The following LARS2 variants were observed in gnomAD, a reference collection of about 807,000 sequenced individuals.
LARS2 encodes leucyl-tRNA synthetase 2, mitochondrial, also known as leucine--tRNA ligase, mitochondrial.
Under a neutral mutation model 116.6 loss-of-function variants are expected in LARS2, and 81 were observed. That is an observed-to-expected ratio of 0.69 (90% CI 0.58 to 0.84). LARS2 has a LOEUF of 0.84. Among genes scored for constraint, LARS2 ranks in the 40% least tolerant of loss-of-function variants. LARS2 has a pLI of 0.00. For synonymous variants in LARS2, 396 were observed against 407.2 expected (o/e 0.97, Z 0.33); for missense variants, 968 against 1,114.5 (o/e 0.87, Z 1.87).
At chr3:45,509,816 T>G (rs1266894291) in intron 15 of LARS2, among the ~76,000 whole-genome samples, 2 of 151,890 alleles carry the variant, frequency 1.3e-5, no homozygotes, top group Non-Finnish European at 2.9e-5. Context: ...ACTGGGAAAT[T>G]CCATGTGAGC....
intron 6 of LARS2, among the ~76,000 whole-genome samples, chr3:45,442,702 G>A (rs1698933462): frequency 6.6e-6 from 1 of 152,206 alleles, no homozygotes; most frequent in Admixed American, 6.5e-5. Flanking sequence ...TGCGCTGCAA[G>A]TCATGCTTAA....
intron 20 of LARS2, among the ~76,000 whole-genome samples, chr3:45,541,088 G>A (rs1700788929): frequency 6.6e-6 from 1 of 152,118 alleles, no homozygotes; most frequent in Non-Finnish European, 1.5e-5. Flanking sequence ...AGCTTTCCCT[G>A]CTAGGACAAG....
chr3:45,442,754 A>T (rs891770569), intron 6 of LARS2, among the ~76,000 whole-genome samples: 28 of 152,206 alleles, frequency 1.8e-4, no homozygotes, highest in Non-Finnish European at 1.5e-5. Flanking sequence ...CAACTCACTT[A>T]ACCGCCTCCA....
chr3:45,479,577 G>A (rs1379769059), intron 10 of LARS2, among the ~76,000 whole-genome samples: 3 of 152,106 alleles, frequency 2.0e-5, no homozygotes, highest in African/African-American at 7.2e-5. Context: ...TCCTTAATTT[G>A]GCACAGATTC....
At chr3:45,398,447 A>C (rs1251815714) in intron 3 of LARS2, among the ~76,000 whole-genome samples, 1 of 152,248 alleles carries the variant, frequency 6.6e-6, no homozygotes, top group Non-Finnish European at 1.5e-5. Context: ...GTTTGTTTGC[A>C]TTACTTCAGG....
intron 18 of LARS2, chr3:45,519,878 C>G (rs1252203365): frequency 5.2e-6 from 1 of 192,474 alleles, no homozygotes; most frequent in African/African-American, 2.4e-5. Context: ...GAACTCTTGA[C>G]CTCAAGTAAT....
chr3:45,527,989 C>T (rs1400920177), intron 20 of LARS2, among the ~76,000 whole-genome samples: 1 of 152,186 alleles, frequency 6.6e-6, no homozygotes, highest in African/African-American at 2.4e-5. Flanking sequence ...ATCCCCTAAC[C>T]ATCACCCTCT....
rs1207019555 is a variant in LARS2, at chr3:45,476,671, T to C, written c.1018+44T>C. On this transcript the variant is annotated intron_variant, in intron 10 of 21. Coordinates refer to ENST00000645846, the MANE Select transcript of LARS2 (RefSeq NM_015340.4). The stretch of plus-strand genomic sequence containing the variant: ...GGCTCAGGTGGTAGGATTGCTACCT[T>C]ACATTTGGATGGCGCCTCCCAGAGT... The C allele has an allele frequency of 5.6e-6, 9 of 1,597,578 alleles. No homozygotes were observed. In the East Asian group the frequency reaches 1.8e-4, roughly 32 times the overall value.
chr3:45,427,618 A>G (rs565647865), intron 6 of LARS2, among the ~76,000 whole-genome samples: 13 of 152,322 alleles, frequency 8.5e-5, no homozygotes, highest in Admixed American at 7.2e-4. Flanking sequence ...CTAGACATAT[A>G]TAGACTAGAG....
intron 4 of LARS2, among the ~76,000 whole-genome samples, chr3:45,406,253 T>C (rs1268827621): frequency 6.6e-6 from 1 of 152,184 alleles, no homozygotes; most frequent in Admixed American, 6.5e-5. Flanking sequence ...TCTCTGTGTG[T>C]CCATGATTCT....
At chr3:45,409,211 T>TA (rs985067051) in intron 4 of LARS2, among the ~76,000 whole-genome samples, 2 of 151,964 alleles carry the variant, frequency 1.3e-5, no homozygotes, top group African/African-American at 4.8e-5. Context: ...TTTTTATTTT[T>TA]TTTTAGGGAA....
At chr3:45,483,609 A>T (rs1234105362) in intron 10 of LARS2, among the ~76,000 whole-genome samples, 1 of 152,164 alleles carries the variant, frequency 6.6e-6, no homozygotes, top group Non-Finnish European at 1.5e-5. Flanking sequence ...AGATCACACC[A>T]CTGTACTCTA....
chr3:45,492,733 A>T (rs1325217592), intron 13 of LARS2, among the ~76,000 whole-genome samples: 1 of 152,216 alleles, frequency 6.6e-6, no homozygotes, highest in African/African-American at 2.4e-5. Context: ...GAATTAACAC[A>T]TGTGATCCTG....
rs772312219 is a variant in LARS2, at chr3:45,547,527, T to C, written c.2709T>C (p.Asp903=). The C allele has an allele frequency of 8.7e-6, 14 of 1,600,262 alleles. No individual in the cohort carries two copies. Among genetic ancestry groups the C allele is most frequent in the Middle Eastern group, 3.4e-4 (2 of 5,960 alleles). ...CCCTCATCAACTTCCTGGTGCAAGA[T>C]TGACAGCCAGGAGGCTGCAGCTACC... The part of the protein sequence containing the change: ...RTALINFLVQ[D] The change falls in exon 22 of 22, where the codon GAT becomes GAC. Residue 903 remains aspartate (D), a synonymous_variant. Transcript: ENST00000645846.
In LARS2 at chr3:45,488,739, C is replaced by T; in HGVS notation, c.1166C>T (p.Thr389Ile). The part of the protein sequence containing the change: ...TSSEDTILAQ[T>I]LGLAYSEVIE... ...TCAGAGGACACCATCTTAGCCCAAACCCTGGGCCTGGCCTACTCTGAAGTC... is the reference window on the plus strand; with the variant it reads ...TCAGAGGACACCATCTTAGCCCAAATCCTGGGCCTGGCCTACTCTGAAGTC... The change falls in exon 12 of 22, where the codon ACC becomes ATC. Residue 389 changes from threonine (T) to isoleucine (I), a missense_variant. Thr to Ile is a moderately conservative substitution (Grantham distance 89, BLOSUM62 -1). Coordinates refer to ENST00000645846, the MANE Select transcript of LARS2 (RefSeq NM_015340.4). 1.2e-6 allele frequency: 2 copies of T among 1,613,960 alleles called. No homozygotes were observed. The highest frequency in any genetic ancestry group is 1.7e-6 in the Non-Finnish European group (2 of 1,179,790).
intron 3 of LARS2, among the ~76,000 whole-genome samples, chr3:45,397,194 GA>G (rs1430457559): frequency 6.6e-6 from 1 of 152,090 alleles, no homozygotes; most frequent in Non-Finnish European, 1.5e-5. Flanking sequence ...ATATAATTAT[GA>G]AAATTTCCCT....
At chr3:45,482,292 G>A (rs1053986599) in intron 10 of LARS2, among the ~76,000 whole-genome samples, 1 of 152,104 alleles carries the variant, frequency 6.6e-6, no homozygotes, top group South Asian at 2.1e-4. Context: ...CATGTTTGGG[G>A]CTATTATGGA....
chr3:45,393,131 C>T (rs1351928731), intron 2 of LARS2, among the ~76,000 whole-genome samples: 1 of 152,202 alleles, frequency 6.6e-6, no homozygotes, highest in Non-Finnish European at 1.5e-5. Context: ...TGAATCACAA[C>T]TGGATATCCT....
chr3:45,480,131 A>C (rs1435714332), intron 10 of LARS2, among the ~76,000 whole-genome samples: 1 of 152,188 alleles, frequency 6.6e-6, no homozygotes, highest in African/African-American at 2.4e-5. Context: ...TTTCCATCAA[A>C]CTGTTTCAAG....
Sources: gnomAD v4.1 joint callset for allele counts (sites outside exome capture counted in the v4.1 genomes callset) on GRCh38, gnomAD v4.1.1 for gene constraint, MANE v1.5 for transcripts, NCBI Gene and HGNC (gene_info 2026-07-23, HGNC 2026-07-21) for gene names.